GABRB2: variants seen among roughly 807,000 people sequenced by gnomAD.
The protein encoded by GABRB2 is gamma-aminobutyric acid receptor subunit beta-2.
In GABRB2, 16 loss-of-function variants were observed where a neutral mutation model predicts 54.7. The observed-to-expected ratio is 0.29, with a 90% CI of 0.20 to 0.44. The LOEUF is 0.44. Ranked by LOEUF, GABRB2 falls within the 20% of genes least tolerant of loss-of-function variation. The pLI, the probability that GABRB2 is intolerant of heterozygous loss-of-function variation, is 1.00. For missense variants in GABRB2, 355 were observed against 644.0 expected, an observed-to-expected ratio of 0.55 and a Z score of 4.86; for synonymous variants, 244 against 233.8, an observed-to-expected ratio of 1.04 and a Z score of -0.40.
intron 5 of GABRB2, among the ~76,000 whole-genome samples, chr5:161,372,482 G>A (rs1483493582): frequency 6.6e-6 from 1 of 152,108 alleles, no homozygotes; most frequent in Non-Finnish European, 1.5e-5. Flanking sequence ...TTTCTAAAAT[G>A]TGGCTGTAAG....
chr5:161,537,755 T>C (rs566499665), intron 3 of GABRB2, among the ~76,000 whole-genome samples: 1 of 152,140 alleles, frequency 6.6e-6, no homozygotes, highest in South Asian at 2.1e-4. Flanking sequence ...CATGGGCCCC[T>C]ACAGGCTTTG....
chr5:161,292,465 CT>C lies in GABRB2; in HGVS notation c.*1615del, dbSNP rs1249197675. On this transcript the variant is annotated 3_prime_UTR_variant, in exon 10 of 10. Coordinates refer to ENST00000393959, the MANE Select transcript of GABRB2 (RefSeq NM_001371727.1). Reference sequence around the variant, plus strand: ...TATTGATAGAAGGAAGACATATTAGCTTATTCTCCTCTTGTCCAACATATGA... The same window carrying C: ...TATTGATAGAAGGAAGACATATTAGCTATTCTCCTCTTGTCCAACATATGA... 2.6e-5 allele frequency: 4 copies of C among 152,130 alleles called. No individual in the cohort carries two copies. The highest frequency in any genetic ancestry group is 2.0e-4 in the Admixed American group (3 of 15,260). The allele number at this position is 152,130 out of a possible 1,614,324, so 9.4% of individuals were successfully genotyped here.
intron 4 of GABRB2, among the ~76,000 whole-genome samples, chr5:161,455,748 G>C (rs894804950): frequency 8.6e-5 from 13 of 151,712 alleles, no homozygotes; most frequent in African/African-American, 3.2e-4. Context: ...GCCCAGGCTG[G>C]TCCTGAACTC....
intron 5 of GABRB2, among the ~76,000 whole-genome samples, chr5:161,357,022 T>C (rs937775401): frequency 1.3e-5 from 2 of 152,260 alleles, no homozygotes; most frequent in East Asian, 3.9e-4. Context: ...TCATTGAAAA[T>C]ACATTTTAGC....
At chr5:161,327,586 T>C (rs2113391633) in intron 8 of GABRB2, among the ~76,000 whole-genome samples, 1 of 152,180 alleles carries the variant, frequency 6.6e-6, no homozygotes, top group South Asian at 2.1e-4. Context: ...AAAACAAACA[T>C]TTAAGAGACG....
chr5:161,491,306 G>C (rs75493633), intron 3 of GABRB2, among the ~76,000 whole-genome samples: 75 of 151,702 alleles, frequency 4.9e-4, no homozygotes, highest in Non-Finnish European at 8.3e-4. Flanking sequence ...GATCCTATGA[G>C]ATTTAAGTCA....
chr5:161,368,737 T>C (rs1755044942), intron 5 of GABRB2, among the ~76,000 whole-genome samples: 1 of 152,150 alleles, frequency 6.6e-6, no homozygotes, highest in East Asian at 1.9e-4. Context: ...GATAAAGACT[T>C]AGACTAGAGA....
intron 5 of GABRB2, among the ~76,000 whole-genome samples, chr5:161,403,631 C>T (rs1019999372): frequency 3.3e-5 from 5 of 151,932 alleles, no homozygotes; most frequent in Admixed American, 2.0e-4. Flanking sequence ...CAGCAGAAAA[C>T]GTGTAAAATA....
chr5:161,389,328 C>T (rs143672969), intron 5 of GABRB2, among the ~76,000 whole-genome samples: 74 of 152,114 alleles, frequency 4.9e-4, no homozygotes, highest in African/African-American at 1.7e-3. Flanking sequence ...GATAATTAAG[C>T]TTCTAATACA....
At chr5:161,488,677 A>G (rs948093339) in intron 3 of GABRB2, among the ~76,000 whole-genome samples, 2 of 151,790 alleles carry the variant, frequency 1.3e-5, no homozygotes, top group Non-Finnish European at 2.9e-5. Flanking sequence ...TTTCTCTTCT[A>G]AATTCTCATA....
At chr5:161,341,937 T>TATATATA (rs1754172106) in intron 5 of GABRB2, among the ~76,000 whole-genome samples, 4 of 75,694 alleles carry the variant, frequency 5.3e-5, no homozygotes, top group East Asian at 4.5e-4. Context: ...ATTTTTTCTT[T>TATATATA]TATATATATA....
At chr5:161,537,209 G>A (rs374643976) in intron 3 of GABRB2, among the ~76,000 whole-genome samples, 9 of 151,932 alleles carry the variant, frequency 5.9e-5, no homozygotes, top group African/African-American at 1.7e-4. Flanking sequence ...TCTAAAATAC[G>A]GGGCTCACCA....
At chr5:161,348,551 A>G (rs189663693) in intron 5 of GABRB2, among the ~76,000 whole-genome samples, 37 of 152,186 alleles carry the variant, frequency 2.4e-4, no homozygotes, top group Non-Finnish European at 2.4e-4. Context: ...GAAAGTGTTG[A>G]CCTCAAGGAC....
intron 3 of GABRB2, among the ~76,000 whole-genome samples, chr5:161,518,388 T>G (rs750151194): frequency 2.6e-5 from 4 of 152,184 alleles, no homozygotes; most frequent in Admixed American, 1.3e-4. Flanking sequence ...GGACATTACT[T>G]ACCCCTGTTG....
chr5:161,534,543 C>T (rs1351328874), intron 3 of GABRB2, among the ~76,000 whole-genome samples: 3 of 152,156 alleles, frequency 2.0e-5, no homozygotes, highest in Non-Finnish European at 2.9e-5. Context: ...CTTCCCTTGT[C>T]TATTTTCACT....
chr5:161,336,486 A>G, intron 6 of GABRB2, 146 bp downstream of exon 6: 1 of 936,482 alleles, frequency 1.1e-6, no homozygotes, highest in Non-Finnish European at 1.6e-6. Flanking sequence ...GTAGAACAAT[A>G]GACTTCATGG....
chr5:161,378,494 G>T (rs936618812), intron 5 of GABRB2, among the ~76,000 whole-genome samples: 23 of 152,224 alleles, frequency 1.5e-4, no homozygotes, highest in Admixed American at 1.5e-3. Flanking sequence ...TTCAGTTTAT[G>T]TGTTTTTTGT....
At chr5:161,304,055 G>A (rs1186588430) in intron 9 of GABRB2, among the ~76,000 whole-genome samples, 1 of 152,148 alleles carries the variant, frequency 6.6e-6, no homozygotes, top group East Asian at 1.9e-4. Context: ...TTGAATTACT[G>A]AGAGGGCTAG....
chr5:161,397,443 A>G (rs1300106936), intron 5 of GABRB2, among the ~76,000 whole-genome samples: 1 of 152,182 alleles, frequency 6.6e-6, no homozygotes, highest in Non-Finnish European at 1.5e-5. Flanking sequence ...ATTCCTCAAT[A>G]AATAACCATA....
Sources: gnomAD v4.1 joint callset for allele counts (sites outside exome capture counted in the v4.1 genomes callset) on GRCh38, gnomAD v4.1.1 for gene constraint, MANE v1.5 for transcripts, NCBI Gene and HGNC (gene_info 2026-07-23, HGNC 2026-07-21) for gene names.